CPQ: variants seen among roughly 807,000 people sequenced by gnomAD.
CPQ encodes carboxypeptidase Q, also known as Ser-Met dipeptidase.
In CPQ, 37 loss-of-function variants were observed where a neutral mutation model predicts 45.7. The observed-to-expected ratio is 0.81, with a 90% CI of 0.62 to 1.07. The LOEUF (loss-of-function observed/expected upper bound fraction) is 1.07. Among genes scored for constraint, CPQ ranks in the 50% least tolerant of loss-of-function variants. CPQ has a pLI of 0.00. For missense variants in CPQ, 537 were observed against 572.9 expected, an observed-to-expected ratio of 0.94 and a Z score of 0.64; for synonymous variants, 186 against 205.8, an observed-to-expected ratio of 0.90 and a Z score of 0.82.
At chr8:97,048,652 GTTC>G (rs989988950) in intron 6 of CPQ, among the ~76,000 whole-genome samples, 22 of 152,180 alleles carry the variant, frequency 1.4e-4, no homozygotes, top group African/African-American at 4.3e-4. Flanking sequence ...ATTGGTGTTT[GTTC>G]TTCTTCAATG....
At chr8:97,025,044 T>C (rs1179541103) in intron 5 of CPQ, among the ~76,000 whole-genome samples, 1 of 152,200 alleles carries the variant, frequency 6.6e-6, no homozygotes, top group Admixed American at 6.5e-5. Flanking sequence ...GTTCTATAAA[T>C]TTCATGATTT....
intron 5 of CPQ, among the ~76,000 whole-genome samples, chr8:97,013,157 G>A (rs547053000): frequency 6.6e-6 from 1 of 152,008 alleles, no homozygotes; most frequent in South Asian, 2.1e-4. Flanking sequence ...GCAGGCACCT[G>A]TAACCCCAGC....
chr8:97,078,923 G>A (rs1056828274), intron 7 of CPQ, among the ~76,000 whole-genome samples: 2 of 151,782 alleles, frequency 1.3e-5, no homozygotes, highest in Non-Finnish European at 2.9e-5. Context: ...TCAGCCTCCC[G>A]AGTAGCTAGG....
At chr8:96,987,958 T>C (rs771319709) in intron 5 of CPQ, among the ~76,000 whole-genome samples, 9 of 152,364 alleles carry the variant, frequency 5.9e-5, no homozygotes, top group Non-Finnish European at 1.0e-4. Flanking sequence ...TGTGAATTGC[T>C]GTGATCATCT....
At chr8:96,906,847 C>T (rs992787226) in intron 4 of CPQ, among the ~76,000 whole-genome samples, 5 of 152,082 alleles carry the variant, frequency 3.3e-5, no homozygotes, top group African/African-American at 1.2e-4. Context: ...GACACAAATG[C>T]TCAGACCATA....
At chr8:96,734,891 C>G (rs1586378457) in intron 1 of CPQ, among the ~76,000 whole-genome samples, 1 of 151,980 alleles carries the variant, frequency 6.6e-6, no homozygotes, top group East Asian at 1.9e-4. Context: ...TTTTGCTATG[C>G]TACTCGCTCT....
chr8:96,685,136 C>CAACCAAAAAACAAAAAACA (rs139480355), intron 1 of CPQ, among the ~76,000 whole-genome samples: 1 of 149,814 alleles, frequency 6.7e-6, no homozygotes, highest in Admixed American at 6.6e-5. Flanking sequence ...AAACAAAAAA[C>CAACCAAAAAACAAAAAACA]AAAAAACAGA....
intron 5 of CPQ, among the ~76,000 whole-genome samples, chr8:96,981,132 A>G (rs753642681): frequency 1.3e-5 from 2 of 152,124 alleles, no homozygotes; most frequent in African/African-American, 2.4e-5. Flanking sequence ...ACTATTTACA[A>G]TTTACCCTGG....
intron 5 of CPQ, among the ~76,000 whole-genome samples, chr8:97,005,042 T>C (rs748292598): frequency 1.9e-4 from 29 of 152,124 alleles, no homozygotes; most frequent in Non-Finnish European, 3.4e-4. Flanking sequence ...TGTGACTTGA[T>C]TGGGAAGCTT....
intron 2 of CPQ, among the ~76,000 whole-genome samples, chr8:96,831,295 T>C (rs1311467337): frequency 6.6e-6 from 1 of 152,096 alleles, no homozygotes; most frequent in Non-Finnish European, 1.5e-5. Flanking sequence ...ACTTGGAACT[T>C]ACATTATTGT....
intron 2 of CPQ, among the ~76,000 whole-genome samples, chr8:96,833,316 CAAAAA>C (rs1227680819): frequency 9.2e-5 from 14 of 151,786 alleles, no homozygotes; most frequent in South Asian, 2.1e-4. Context: ...CAAAACAAAA[CAAAAA>C]AAAACTTGAA....
At chr8:96,809,405 C>CAAT (rs957184772) in intron 2 of CPQ, among the ~76,000 whole-genome samples, 27 of 152,218 alleles carry the variant, frequency 1.8e-4, no homozygotes, top group African/African-American at 6.0e-4. Context: ...CACTACCCAG[C>CAAT]AATAAAATGG....
intron 2 of CPQ, among the ~76,000 whole-genome samples, chr8:96,803,168 A>C (rs1325796992): frequency 6.6e-6 from 1 of 152,172 alleles, no homozygotes; most frequent in African/African-American, 2.4e-5. Context: ...AGAACCAAAA[A>C]ATGCTGAGGG....
chr8:96,890,841 A>G (rs1812363356), intron 4 of CPQ, among the ~76,000 whole-genome samples: 1 of 152,202 alleles, frequency 6.6e-6, no homozygotes, highest in African/African-American at 2.4e-5. Flanking sequence ...GTGGGTCACT[A>G]GGGGTGATGG....
At chr8:97,080,654 T>A (rs139325745) in intron 7 of CPQ, among the ~76,000 whole-genome samples, 1 of 152,230 alleles carries the variant, frequency 6.6e-6, no homozygotes, top group Non-Finnish European at 1.5e-5. Flanking sequence ...TGGGGACTTT[T>A]AACACAGTGA....
At chr8:97,121,714 T>A (rs1180252421) in intron 7 of CPQ, among the ~76,000 whole-genome samples, 1 of 152,026 alleles carries the variant, frequency 6.6e-6, no homozygotes, top group African/African-American at 2.4e-5. Context: ...ATAGTGATGA[T>A]GAAATTTGTA....
chr8:96,903,714 G>T (rs1812541814), intron 4 of CPQ, among the ~76,000 whole-genome samples: 1 of 152,168 alleles, frequency 6.6e-6, no homozygotes, highest in Non-Finnish European at 1.5e-5. Context: ...GCTAGCACCA[G>T]ATTTCAAACC....
At chr8:96,845,207 G>C (rs1355144872) in intron 3 of CPQ, among the ~76,000 whole-genome samples, 21 of 152,094 alleles carry the variant, frequency 1.4e-4, no homozygotes, top group Admixed American at 1.4e-3. Flanking sequence ...AATCTCCTCT[G>C]TATGCACAGA....
intron 7 of CPQ, chr8:97,092,978 A>C (rs747826628): frequency 3.3e-5 from 5 of 152,146 alleles, no homozygotes; most frequent in Non-Finnish European, 5.9e-5. Flanking sequence ...CAAACTAAAA[A>C]CAAACAATCC....
Sources: allele counts gnomAD v4.1 joint callset (sites outside exome capture counted in the v4.1 genomes callset), GRCh38; gene constraint gnomAD v4.1.1; transcripts MANE v1.5; gene names NCBI Gene and HGNC (gene_info 2026-07-23, HGNC 2026-07-21).